The following ZNF831 variants were observed in gnomAD, a reference collection of about 807,000 sequenced individuals.
The protein encoded by ZNF831 is chromosome 20 open reading frame 174.
Under a neutral mutation model 95.8 loss-of-function variants are expected in ZNF831, and 59 were observed. The ratio of observed to expected loss-of-function variants is 0.62; its 90% CI spans 0.50 to 0.77. ZNF831 has a LOEUF of 0.77. ZNF831 is among the 30% of genes least tolerant of loss of function. ZNF831 has a pLI of 0.00. For synonymous variants in ZNF831, 961 were observed against 925.5 expected (o/e 1.04, Z -0.70); for missense variants, 2,205 against 2,164.0 (o/e 1.02, Z -0.38).
intron 1 of ZNF831, among the ~76,000 whole-genome samples, chr20:59,126,560 C>T (rs1463933370): frequency 3.3e-5 from 5 of 152,232 alleles, no homozygotes; most frequent in African/African-American, 1.2e-4. Flanking sequence ...ACCCTATTTT[C>T]CTGCTTCCCT....
chr20:59,161,394 C>T (rs1217435908), upstream of ZNF831, among the ~76,000 whole-genome samples: 1 of 152,116 alleles, frequency 6.6e-6, no homozygotes, highest in East Asian at 1.9e-4. Flanking sequence ...TATCCTGCCT[C>T]AGCCTCCTGA....
At chr20:59,176,659 G>C (rs1359363753) in intron 1 of ZNF831, among the ~76,000 whole-genome samples, 2 of 152,164 alleles carry the variant, frequency 1.3e-5, no homozygotes, top group Non-Finnish European at 2.9e-5. Context: ...CATTTATAAA[G>C]AGTGCCTATC....
At chr20:59,222,552 C>T (rs1320493712) in intron 4 of ZNF831, among the ~76,000 whole-genome samples, 1 of 151,850 alleles carries the variant, frequency 6.6e-6, no homozygotes, top group East Asian at 1.9e-4. Flanking sequence ...CATGAATTTA[C>T]CAAAACTTTT....
chr20:59,193,799 G>C lies in ZNF831; in HGVS notation c.2780G>C (p.Arg927Thr), dbSNP rs2146589569. 1.2e-6 allele frequency: 2 copies of C among 1,611,330 alleles called. No individual in the cohort carries two copies. The highest frequency in any genetic ancestry group is 1.7e-6 in the Non-Finnish European group (2 of 1,178,584). The change falls in exon 2 of 6, where the codon AGA (arginine) becomes ACA (threonine). Residue 927 changes from arginine to threonine, a missense_variant. Arg to Thr is a moderately conservative substitution (Grantham distance 71, BLOSUM62 -1). Transcript: ENST00000371030. ...PSLATPPQAP[R>T]VLSALADNAF... The stretch of plus-strand genomic sequence containing the variant: ...CTGGCCACCCCACCTCAGGCTCCTA[G>C]AGTGCTCTCTGCCCTGGCAGATAAT...
In ZNF831 at chr20:59,193,553, G is replaced by C. The variant is rs2146585342; in HGVS notation, c.2534G>C (p.Gly845Ala). Reference protein sequence around the residue: ...QPEPVSAETPGGPTQPASLSS... With the variant: ...QPEPVSAETPAGPTQPASLSS... ...GAGCCTGTGAGCGCAGAGACCCCAG[G>C]TGGGCCCACGCAGCCTGCCTCTTTG... The change falls in exon 2 of 6, where the codon GGT (glycine) becomes GCT (alanine). Residue 845 changes from glycine to alanine, a missense_variant. Physicochemically the swap from Gly to Ala is moderately conservative, Grantham distance 60. Transcript: ENST00000371030. The C allele has an allele frequency of 1.2e-6, 2 of 1,605,442 alleles. No individual in the cohort carries two copies. Among genetic ancestry groups the C allele is most frequent in the Non-Finnish European group, 1.7e-6 (2 of 1,176,128 alleles).
At chr20:59,137,151 A>G (rs1006211814) in intron 1 of ZNF831, among the ~76,000 whole-genome samples, 8 of 152,150 alleles carry the variant, frequency 5.3e-5, no homozygotes, top group African/African-American at 1.9e-4. Context: ...ATAAACATTC[A>G]TCTTGCTTAA....
At chr20:59,144,274 A>G (rs1032035601) in intron 1 of ZNF831, among the ~76,000 whole-genome samples, 3 of 152,134 alleles carry the variant, frequency 2.0e-5, no homozygotes, top group African/African-American at 7.2e-5. Context: ...ACTGCCTTCA[A>G]TGTGCACAGG....
At position 59,192,093 on chromosome 20, in the gene ZNF831, G is replaced by T. The variant is rs765136934; in HGVS notation, c.1074G>T (p.Ala358=). Residue 358 remains alanine (A), a synonymous_variant, in exon 2 of 6, where the codon GCG becomes GCT. Transcript: ENST00000371030. This position sits in a 1 kb window ranked among gnomAD's most constrained non-coding sequence, Gnocchi z 5.2. ...CCGACAGCGCGGAGCAGCCGCATGC[G>T]CCCTGCAGCCCCCTGCACAGCCTTT... ...SRSDSAEQPH[A]PCSPLHSLSE... is the part of the protein sequence containing the mutation. 3 of 1,597,420 alleles carry T rather than the reference G, an allele frequency of 1.9e-6. No individual in the cohort carries two copies. Among genetic ancestry groups the T allele is most frequent in the Non-Finnish European group, 2.6e-6 (3 of 1,175,570 alleles).
Position 59,191,360 on chromosome 20 carries a change from C to A in ZNF831, c.341C>A (p.Thr114Lys), listed in dbSNP as rs754843638. The A allele has an allele frequency of 1.9e-6, 3 of 1,607,672 alleles. No individual in the cohort carries two copies. Among genetic ancestry groups the A allele is most frequent in the Non-Finnish European group, 2.5e-6 (3 of 1,177,108 alleles). ...QVGKPAAPTL[T>K]VNIVGTLPVL... ...GGGAAGCCGGCGGCCCCTACGCTGA[C>A]GGTGAACATCGTGGGCACTCTGCCT... Residue 114 changes from threonine (T) to lysine (K), a missense_variant, in exon 2 of 6, where the codon ACG becomes AAG. Coordinates refer to ENST00000371030, the MANE Select transcript of ZNF831 (RefSeq NM_178457.3).
Position 59,193,656 on chromosome 20 carries a change from T to C in ZNF831, c.2637T>C (p.Pro879=), listed in dbSNP as rs772595178. Residue 879 remains proline, a synonymous_variant, in exon 2 of 6, where the codon CCT becomes CCC. Coordinates refer to ENST00000371030, the MANE Select transcript of ZNF831 (RefSeq NM_178457.3). Reference sequence around the variant, plus strand: ...AGAGTGCCAGGCAGGTGGGCGAGCCTCTGGAGTCCTCTGGAGCCTCCTTGG... The same window carrying C: ...AGAGTGCCAGGCAGGTGGGCGAGCCCCTGGAGTCCTCTGGAGCCTCCTTGG... ...SKESARQVGE[P]LESSGASLAA... is the part of the protein sequence containing the mutation. 6.2e-7 allele frequency: 1 copy of C among 1,612,972 alleles called. No individual in the cohort carries two copies. The highest frequency in any genetic ancestry group is 8.5e-7 in the Non-Finnish European group (1 of 1,179,774).
chr20:59,254,833 T>C lies in ZNF831; in HGVS notation c.*90T>C. On this transcript the variant is annotated 3_prime_UTR_variant, in exon 6 of 6. Transcript: ENST00000371030. This position sits in a 1 kb window ranked among gnomAD's most constrained non-coding sequence, Gnocchi z 4.5. ...AGGCTGGCGGAAGAACTAAACTCTA[T>C]CTGTGAAACACCTACAGATTAGGAA... 2 of 1,494,024 alleles carry C rather than the reference T, an allele frequency of 1.3e-6. No homozygotes were observed. Among genetic ancestry groups the C allele is most frequent in the South Asian group, 1.4e-5 (1 of 72,262 alleles). The allele number at this position is 1,494,024 out of a possible 1,614,324, so 92.5% of individuals were successfully genotyped here.
At chr20:59,195,197 A>T (rs1983991980) in intron 2 of ZNF831, among the ~76,000 whole-genome samples, 1 of 152,104 alleles carries the variant, frequency 6.6e-6, no homozygotes, top group South Asian at 2.1e-4. Flanking sequence ...TGTTGATTGG[A>T]CTCAGCCCTC....
Position 59,191,325 on chromosome 20 carries a change from C to A in ZNF831, c.306C>A (p.Pro102=), listed in dbSNP as rs746198122. 6.2e-7 allele frequency: 1 copy of A among 1,602,078 alleles called. No individual in the cohort carries two copies. ...SPVLQPEGPG[P]TQVGKPAAPT... is the part of the protein sequence containing the mutation. ...TGCTGCAGCCTGAAGGGCCTGGCCC[C>A]ACCCAGGTGGGGAAGCCGGCGGCCC... The change falls in exon 2 of 6, where the codon CCC becomes CCA. Residue 102 remains proline (P), a synonymous_variant. Coordinates refer to ENST00000371030, the MANE Select transcript of ZNF831 (RefSeq NM_178457.3).
chr20:59,206,473 CACTA>C (rs1187315837), intron 3 of ZNF831, among the ~76,000 whole-genome samples: 1 of 152,224 alleles, frequency 6.6e-6, no homozygotes, highest in East Asian at 1.9e-4. Flanking sequence ...TTCTCAGACA[CACTA>C]ACTACATTTC....
In ZNF831 at chr20:59,193,521, G is replaced by A. The variant is rs2146584881; in HGVS notation, c.2502G>A (p.Lys834=). 6.2e-7 allele frequency: 1 copy of A among 1,608,490 alleles called. No homozygotes were observed. Residue 834 remains lysine, a synonymous_variant, in exon 2 of 6, where the codon AAG becomes AAA. Transcript: ENST00000371030. ...KLKVEDLHSW[K]QPEPVSAETP... ...AAGTGGAGGACCTGCACAGCTGGAA[G>A]CAACCAGAGCCTGTGAGCGCAGAGA...
intron 4 of ZNF831, among the ~76,000 whole-genome samples, chr20:59,251,841 A>G (rs141041023): frequency 0.022 from 3,419 of 152,352 alleles, 56 homozygotes; most frequent in South Asian, 0.034. Context: ...AGCAGTTTTC[A>G]CAAGAAAGGC....
intron 4 of ZNF831, among the ~76,000 whole-genome samples, chr20:59,212,225 C>T (rs959679930): frequency 5.9e-5 from 9 of 151,726 alleles, no homozygotes; most frequent in African/African-American, 2.2e-4. Flanking sequence ...GTTTAATTTC[C>T]CTCTCTCCTA....
chr20:59,181,084 G>C (rs1464465395), intron 1 of ZNF831, among the ~76,000 whole-genome samples: 4 of 152,150 alleles, frequency 2.6e-5, no homozygotes, highest in African/African-American at 4.8e-5. Flanking sequence ...GCACGAGATG[G>C]TATCTCATTG....
chr20:59,236,406 C>T (rs971443900), intron 4 of ZNF831, among the ~76,000 whole-genome samples: 11 of 152,054 alleles, frequency 7.2e-5, no homozygotes, highest in Non-Finnish European at 1.2e-4. Flanking sequence ...CCTTAAGGGC[C>T]GATTCCTCTC....
Sources: gnomAD v4.1 joint callset for allele counts (sites outside exome capture counted in the v4.1 genomes callset) on GRCh38, gnomAD v4.1.1 for gene constraint, Gnocchi (gnomAD v3.1) non-coding constraint, MANE v1.5 for transcripts, NCBI Gene and HGNC (gene_info 2026-07-23, HGNC 2026-07-21) for gene names.